The following NIPBL variants were observed in gnomAD, a reference collection of about 807,000 sequenced individuals.
NIPBL encodes nipped-B-like protein.
In NIPBL, 19 loss-of-function variants were observed where a neutral mutation model predicts 321.8. That is an observed-to-expected ratio of 0.06 (90% confidence interval 0.04 to 0.09). The LOEUF (loss-of-function observed/expected upper bound fraction) is 0.09, where lower values mean the gene tolerates loss of function less well. NIPBL is among the 10% of genes least tolerant of loss of function. The pLI, the probability that NIPBL is intolerant of heterozygous loss-of-function variation, is 1.00. For missense variants in NIPBL, 2,210 were observed against 3,327.0 expected (o/e 0.66, Z 8.26); for synonymous variants, 1,106 against 1,114.1 (o/e 0.99, Z 0.14).
chr5:36,916,001 C>T (rs747967385), intron 1 of NIPBL, among the ~76,000 whole-genome samples: 19 of 152,168 alleles, frequency 1.2e-4, no homozygotes, highest in Non-Finnish European at 2.6e-4. Context: ...TCATCATTAT[C>T]TTCAGTGGAA....
chr5:36,895,442 T>A (rs1746659906), intron 1 of NIPBL, among the ~76,000 whole-genome samples: 1 of 152,226 alleles, frequency 6.6e-6, no homozygotes, highest in African/African-American at 2.4e-5. Context: ...ATTTGTAAGT[T>A]TCTGTGTGGA....
intron 45 of NIPBL, among the ~76,000 whole-genome samples, chr5:37,061,911 G>A (rs1165733881): frequency 6.6e-6 from 1 of 152,028 alleles, no homozygotes; most frequent in Admixed American, 6.5e-5. Flanking sequence ...GCGCGATCTC[G>A]GCTCACCGCA....
At chr5:36,993,964 G>A (rs1745841464) in intron 10 of NIPBL, among the ~76,000 whole-genome samples, 1 of 152,062 alleles carries the variant, frequency 6.6e-6, no homozygotes, top group South Asian at 2.1e-4. Flanking sequence ...AAGGGAAGAT[G>A]TATACTCTAA....
At chr5:36,916,981 A>G (rs1176613593) in intron 1 of NIPBL, among the ~76,000 whole-genome samples, 5 of 152,168 alleles carry the variant, frequency 3.3e-5, no homozygotes, top group Non-Finnish European at 7.3e-5. Context: ...GTGTCTTTAT[A>G]GCAGCATGAT....
chr5:36,882,900 C>G (rs1745614894), intron 1 of NIPBL, among the ~76,000 whole-genome samples: 1 of 150,816 alleles, frequency 6.6e-6, no homozygotes, highest in Non-Finnish European at 1.5e-5. Flanking sequence ...AAAAAACCCA[C>G]CTTGTTACTT....
chr5:36,878,990 G>C (rs542343691), intron 1 of NIPBL, among the ~76,000 whole-genome samples: 2 of 143,858 alleles, frequency 1.4e-5, no homozygotes, highest in African/African-American at 5.0e-5. Flanking sequence ...GTGTGCGAGT[G>C]GGGGGCATGC....
At chr5:36,902,492 T>C (rs1747308437) in intron 1 of NIPBL, among the ~76,000 whole-genome samples, 1 of 151,996 alleles carries the variant, frequency 6.6e-6, no homozygotes, top group Admixed American at 6.5e-5. Context: ...CCAGTTATTA[T>C]TGAATAGAGA....
chr5:36,884,954 G>T (rs1745779087), intron 1 of NIPBL, among the ~76,000 whole-genome samples: 1 of 152,026 alleles, frequency 6.6e-6, no homozygotes, highest in Non-Finnish European at 1.5e-5. Flanking sequence ...GTACAGGAAG[G>T]GTTTTTTGTT....
chr5:36,954,139 A>T (rs1016484794), intron 2 of NIPBL, among the ~76,000 whole-genome samples: 11 of 152,216 alleles, frequency 7.2e-5, no homozygotes, highest in African/African-American at 2.7e-4. Context: ...ATGATACAAA[A>T]AGCTACCTAC....
chr5:36,920,654 A>G (rs1748860987), intron 1 of NIPBL, among the ~76,000 whole-genome samples: 1 of 152,336 alleles, frequency 6.6e-6, no homozygotes, highest in Non-Finnish European at 1.5e-5. Context: ...GGCTATTAAA[A>G]TGGAATCATT....
At chr5:36,938,160 G>C (rs1045198778) in intron 1 of NIPBL, among the ~76,000 whole-genome samples, 1 of 152,160 alleles carries the variant, frequency 6.6e-6, no homozygotes, top group Non-Finnish European at 1.5e-5. Context: ...GGCAGGATTA[G>C]GCTTGTACTT....
At chr5:36,886,703 C>T (rs1365591793) in intron 1 of NIPBL, among the ~76,000 whole-genome samples, 1 of 151,804 alleles carries the variant, frequency 6.6e-6, no homozygotes, top group Non-Finnish European at 1.5e-5. Flanking sequence ...CATACACAGT[C>T]TTAAAACCAC....
chr5:37,007,357 A>G lies in NIPBL; in HGVS notation c.4122A>G (p.Lys1374=). The part of the protein sequence containing the change: ...GLLSSKAKRA[K]CSTHKQRVIV... ...TAAGTTCAAAAGCAAAACGGGCTAA[A>G]TGTTCTACCCATAAGCAGAGAGTAA... The change falls in exon 18 of 47, where the codon AAA becomes AAG. Residue 1374 remains lysine, a synonymous_variant. Coordinates refer to ENST00000282516, the MANE Select transcript of NIPBL (RefSeq NM_133433.4). The G allele has an allele frequency of 4.3e-6, 7 of 1,612,322 alleles. No homozygotes were observed. The highest frequency in any genetic ancestry group is 5.9e-6 in the Non-Finnish European group (7 of 1,178,786).
chr5:37,017,437 A>G (rs1749115942), intron 24 of NIPBL, among the ~76,000 whole-genome samples: 1 of 152,040 alleles, frequency 6.6e-6, no homozygotes, highest in Non-Finnish European at 1.5e-5. Context: ...GATTTAACAT[A>G]AATTTTATTT....
intron 33 of NIPBL, among the ~76,000 whole-genome samples, chr5:37,036,736 T>C (rs1423552731): frequency 1.3e-5 from 2 of 151,596 alleles, no homozygotes; most frequent in Non-Finnish European, 2.9e-5. Context: ...TATCTTTTAA[T>C]AGCATATTAT....
chr5:36,912,007 G>T (rs1463102024), intron 1 of NIPBL, among the ~76,000 whole-genome samples: 1 of 152,122 alleles, frequency 6.6e-6, no homozygotes, highest in Non-Finnish European at 1.5e-5. Context: ...GATCAAATTC[G>T]TGTTTTAAAT....
At chr5:37,021,062 G>T (rs1189197398) in intron 27 of NIPBL, among the ~76,000 whole-genome samples, 185 bp downstream of exon 27, 1 of 152,256 alleles carries the variant, frequency 6.6e-6, no homozygotes. Context: ...ACTTTGGGAA[G>T]CCAAGGCAAG....
In NIPBL at chr5:37,059,286, C is replaced by A. The variant is rs532679768; in HGVS notation, c.7685+121C>A. On this transcript the variant is annotated intron_variant, in intron 44 of 46. Transcript: ENST00000282516. Reference sequence around the variant, plus strand: ...TTTTGGGAGGCTGAGGCGGGCAGATCCCCTGAGGTCAGGAGTTCGAGACCA... The same window carrying A: ...TTTTGGGAGGCTGAGGCGGGCAGATACCCTGAGGTCAGGAGTTCGAGACCA... 132 of 1,013,660 alleles carry A rather than the reference C, an allele frequency of 1.3e-4. No homozygotes were observed. In the African/African-American group the frequency reaches 1.7e-3, roughly 13 times the overall value. 62.8% of individuals were successfully genotyped at this position (1,013,660 alleles called of 1,614,324 possible).
In NIPBL at chr5:37,043,114, G is replaced by A. The variant is rs1752617421; in HGVS notation, c.6109-1233G>A. The stretch of plus-strand genomic sequence containing the variant: ...TTAAATTTAAAATAAAGAAGTCCTA[G>A]GCTGAGCATGGTGGCCCACACCTGT... On this transcript the variant is annotated intron_variant, in intron 34 of 46. Coordinates refer to ENST00000282516, the MANE Select transcript of NIPBL (RefSeq NM_133433.4). 2.6e-5 allele frequency among the ~76,000 whole-genome samples: 4 copies of A among 152,046 alleles called. No individual in the cohort carries two copies. The South Asian group carries it at 8.3e-4, about 32-fold the overall frequency.
Sources: allele counts gnomAD v4.1 joint callset (sites outside exome capture counted in the v4.1 genomes callset), GRCh38; gene constraint gnomAD v4.1.1; transcripts MANE v1.5; gene names NCBI Gene and HGNC (gene_info 2026-07-23, HGNC 2026-07-21).